The following OSBPL1A variants were observed in gnomAD, a reference collection of about 807,000 sequenced individuals.
OSBPL1A encodes oxysterol-binding protein-related protein 1.
In OSBPL1A, 80 loss-of-function variants were observed where a neutral mutation model predicts 137.1. That is an observed-to-expected ratio of 0.58 (90% CI 0.49 to 0.70). The LOEUF (loss-of-function observed/expected upper bound fraction) is 0.70, where lower values mean the gene tolerates loss of function less well. OSBPL1A is among the 30% of genes least tolerant of loss of function. The pLI is 0.00. For synonymous variants in OSBPL1A, 365 were observed against 389.7 expected, an observed-to-expected ratio of 0.94 and a Z score of 0.75; for missense variants, 970 against 1,129.4, an observed-to-expected ratio of 0.86 and a Z score of 2.02.
chr18:24,195,918 T>TA, intron 18 of OSBPL1A: 1 of 507,550 alleles, frequency 2.0e-6, no homozygotes. Flanking sequence ...TTTTTTTTTT[T>TA]ACATCAAAAA....
chr18:24,321,346 A>C (rs1438033274), intron 7 of OSBPL1A, among the ~76,000 whole-genome samples: 1 of 152,112 alleles, frequency 6.6e-6, no homozygotes, highest in Non-Finnish European at 1.5e-5. Flanking sequence ...AGTTCAACTT[A>C]ATGGTTTTTC....
At chr18:24,278,111 C>T (rs1428499633) in intron 15 of OSBPL1A, among the ~76,000 whole-genome samples, 1 of 152,156 alleles carries the variant, frequency 6.6e-6, no homozygotes, top group Non-Finnish European at 1.5e-5. Flanking sequence ...AGATTAAAAA[C>T]GGGTCCACCA....
intron 18 of OSBPL1A, among the ~76,000 whole-genome samples, chr18:24,183,751 T>C (rs1169448562): frequency 6.6e-6 from 1 of 152,222 alleles, no homozygotes; most frequent in African/African-American, 2.4e-5. Flanking sequence ...TTGTTTGTTT[T>C]AATGCATGAT....
intron 17 of OSBPL1A, among the ~76,000 whole-genome samples, chr18:24,221,490 C>A (rs2087888477): frequency 6.6e-6 from 1 of 152,182 alleles, no homozygotes; most frequent in Non-Finnish European, 1.5e-5. Context: ...GAAAAAAAGT[C>A]CCTATCATAT....
Position 24,196,147 on chromosome 18 carries a change from A to C in OSBPL1A, c.1655T>G (p.Ile552Ser), listed in dbSNP as rs1166010298. 1 of 1,611,338 alleles carries C rather than the reference A, an allele frequency of 6.2e-7. No homozygotes were observed. The highest frequency in any genetic ancestry group is 8.5e-7 in the Non-Finnish European group (1 of 1,179,100). ...TACCATTCCAATACATTTTCTGAGG[A>C]TGCTCCAGATACTGAAGTCATTTCT... ...FSRNDFSIWS[I>S]LRKCIGMELS... Residue 552 changes from isoleucine to serine, a missense_variant, in exon 18 of 28, where the codon ATC (isoleucine) becomes AGC (serine). Physicochemically the swap from Ile to Ser is moderately radical, Grantham distance 142. Around this residue, in one of 2 missense-constraint regions of OSBPL1A, gnomAD observed 647 missense variants for 672.6 expected, o/e 0.96. Transcript: ENST00000319481.
At chr18:24,176,937 A>C (rs974306203) in intron 21 of OSBPL1A, among the ~76,000 whole-genome samples, 1 of 152,158 alleles carries the variant, frequency 6.6e-6, no homozygotes, top group African/African-American at 2.4e-5. Flanking sequence ...CTTAGACACC[A>C]GGGGGCGCTT....
At chr18:24,234,026 A>G (rs1356772794) in intron 16 of OSBPL1A, among the ~76,000 whole-genome samples, 1 of 152,170 alleles carries the variant, frequency 6.6e-6, no homozygotes, top group Non-Finnish European at 1.5e-5. Flanking sequence ...AAAGAAACTA[A>G]TTCTGCCCGG....
chr18:24,207,060 G>T (rs2087394416), intron 17 of OSBPL1A, among the ~76,000 whole-genome samples: 2 of 152,254 alleles, frequency 1.3e-5, no homozygotes, highest in Admixed American at 6.5e-5. Context: ...GTGAAAAAAT[G>T]ATATGGATAA....
At chr18:24,187,812 C>G (rs1530434) in intron 18 of OSBPL1A, among the ~76,000 whole-genome samples, 125,281 of 152,068 alleles carry the variant, frequency 0.82, 52,142 homozygotes, top group Non-Finnish European at 0.89. Context: ...AAAGGTGAGG[C>G]AGTGAGGGAC....
intron 15 of OSBPL1A, among the ~76,000 whole-genome samples, chr18:24,245,122 C>G (rs1424864928): frequency 6.6e-6 from 1 of 151,890 alleles, no homozygotes; most frequent in Non-Finnish European, 1.5e-5. Flanking sequence ...GAGACAAGGT[C>G]TCGCTCTGTC....
At chr18:24,327,167 G>A (rs1039011550) in intron 7 of OSBPL1A, among the ~76,000 whole-genome samples, 4 of 149,752 alleles carry the variant, frequency 2.7e-5, no homozygotes, top group Non-Finnish European at 5.9e-5. Flanking sequence ...TAGTTCAGTG[G>A]CCCAATCTTG....
At chr18:24,216,376 G>A (rs1032902245) in intron 17 of OSBPL1A, among the ~76,000 whole-genome samples, 2 of 152,130 alleles carry the variant, frequency 1.3e-5, no homozygotes, top group Non-Finnish European at 2.9e-5. Context: ...GCGTGGCAGC[G>A]TGTGCCTGCA....
intron 1 of OSBPL1A, among the ~76,000 whole-genome samples, chr18:24,392,268 C>T (rs1487975940): frequency 6.6e-6 from 1 of 152,196 alleles, no homozygotes; most frequent in Non-Finnish European, 1.5e-5. Flanking sequence ...TCAAGTGATT[C>T]TCCTGCCTCA....
chr18:24,240,033 C>G (rs1319707245), intron 15 of OSBPL1A, among the ~76,000 whole-genome samples: 4 of 148,236 alleles, frequency 2.7e-5, no homozygotes, highest in African/African-American at 7.4e-5. Context: ...AAGCTATTCT[C>G]ATGCCTCTGC....
chr18:24,283,617 C>T (rs2090009366), intron 14 of OSBPL1A, among the ~76,000 whole-genome samples: 1 of 152,010 alleles, frequency 6.6e-6, no homozygotes, highest in Non-Finnish European at 1.5e-5. Flanking sequence ...GAACAGATGT[C>T]TCAACACGAA....
At chr18:24,196,595 A>C (rs1179956451) in intron 17 of OSBPL1A, among the ~76,000 whole-genome samples, 1 of 152,234 alleles carries the variant, frequency 6.6e-6, no homozygotes, top group Non-Finnish European at 1.5e-5. Flanking sequence ...CTAGCCGCTA[A>C]ATGATGTAAA....
chr18:24,199,349 G>A (rs2087141452), intron 17 of OSBPL1A, among the ~76,000 whole-genome samples: 1 of 152,110 alleles, frequency 6.6e-6, no homozygotes, highest in South Asian at 2.1e-4. Context: ...GAGGGCCTGA[G>A]ATGGCAGGAG....
intron 14 of OSBPL1A, among the ~76,000 whole-genome samples, chr18:24,283,877 A>G (rs1181087640): frequency 6.6e-6 from 1 of 152,198 alleles, no homozygotes; most frequent in African/African-American, 2.4e-5. Context: ...AATGGTCCAA[A>G]TACATGCTTA....
intron 17 of OSBPL1A, among the ~76,000 whole-genome samples, chr18:24,220,367 G>A (rs563895140): frequency 2.8e-4 from 43 of 152,332 alleles, no homozygotes; most frequent in Non-Finnish European, 5.3e-4. Context: ...TGAAAGAGGT[G>A]GGCTTCACAG....
Sources: gnomAD v4.1 joint callset for allele counts (sites outside exome capture counted in the v4.1 genomes callset) on GRCh38, gnomAD v4.1.1 for gene constraint, gnomAD v4.1.1 regional missense constraint, MANE v1.5 for transcripts, NCBI Gene and HGNC (gene_info 2026-07-23, HGNC 2026-07-21) for gene names.